Variants in DYNLRB1 observed in about 807,000 individuals in gnomAD.
DYNLRB1 encodes the protein ROBL/LC7-like 1.
In DYNLRB1, 6 loss-of-function variants were observed where a neutral mutation model predicts 13.5. That is an observed-to-expected ratio of 0.44 (90% CI 0.24 to 0.88). DYNLRB1 has a LOEUF of 0.88. DYNLRB1 is among the 40% of genes least tolerant of loss of function. DYNLRB1 has a pLI of 0.21. For missense variants in DYNLRB1, 93 were observed against 127.2 expected (o/e 0.73, Z 1.29); for synonymous variants, 43 against 45.0 (o/e 0.96, Z 0.18).
At chr20:34,525,073 C>T (rs961150105) in intron 1 of DYNLRB1, among the ~76,000 whole-genome samples, 1 of 152,154 alleles carries the variant, frequency 6.6e-6, no homozygotes, top group Non-Finnish European at 1.5e-5. Flanking sequence ...CTCCAGTGTT[C>T]GAGAGTATTC....
chr20:34,525,189 C>G (rs370019047), intron 1 of DYNLRB1, among the ~76,000 whole-genome samples: 135 of 152,190 alleles, frequency 8.9e-4, no homozygotes, highest in African/African-American at 2.8e-3. Flanking sequence ...ATCCCCCCCC[C>G]CATTTCTTTT....
chr20:34,519,180 C>CA (rs1396995815), intron 1 of DYNLRB1, among the ~76,000 whole-genome samples: 1 of 152,040 alleles, frequency 6.6e-6, no homozygotes, highest in East Asian at 1.9e-4. Flanking sequence ...CCTCCGCCTC[C>CA]AAAAATGCTG....
In DYNLRB1 at chr20:34,528,328, A is replaced by AC. The variant is rs1980410233; in HGVS notation, c.79+1985_79+1986insC. ...CTCCGTCTCAAAAAAAAAAAAAAAA[A>AC]AAAAAAAAAAAAAAAACTACCCTAC... On this transcript the variant is annotated intron_variant, in intron 2 of 3. Coordinates refer to ENST00000357156, the MANE Select transcript of DYNLRB1 (RefSeq NM_014183.4). 8.6e-4 allele frequency among the ~76,000 whole-genome samples: 33 copies of AC among 38,250 alleles called. 5 individuals are homozygous for AC. The allele number at this position is 38,250 out of a possible 152,430, so 25.1% of individuals were successfully genotyped here.
At chr20:34,539,875 C>T (rs1981444252) in intron 3 of DYNLRB1, among the ~76,000 whole-genome samples, 3 of 151,894 alleles carry the variant, frequency 2.0e-5, no homozygotes, top group Admixed American at 6.6e-5. Flanking sequence ...GAGGCTGAGG[C>T]GGGAGGATCA....
At chr20:34,525,106 G>A (rs772846427) in intron 1 of DYNLRB1, among the ~76,000 whole-genome samples, 1 of 152,202 alleles carries the variant, frequency 6.6e-6, no homozygotes, top group Non-Finnish European at 1.5e-5. Context: ...GTGGGTGGCA[G>A]TGACTGGATT....
chr20:34,522,571 C>T (rs2146620305), intron 1 of DYNLRB1, among the ~76,000 whole-genome samples: 1 of 141,154 alleles, frequency 7.1e-6, no homozygotes, highest in African/African-American at 2.6e-5. Flanking sequence ...CTCCTGGGCT[C>T]AGGCAATCCT....
At chr20:34,517,754 G>C (rs1022687240) in intron 1 of DYNLRB1, among the ~76,000 whole-genome samples, 15 of 148,874 alleles carry the variant, frequency 1.0e-4, no homozygotes, top group African/African-American at 3.7e-4. Flanking sequence ...TCAGCCTCCC[G>C]AGTAGCTGGG....
In DYNLRB1 at chr20:34,540,656, A is replaced by C; in HGVS notation, c.*32A>C. On this transcript the variant is annotated 3_prime_UTR_variant, in exon 4 of 4. Transcript: ENST00000357156. ...CTCTTGGCTCCCTGTGTCATTCCTT[A>C]ATTTAATGCCCCCCAAGAATGTTAA... 6.2e-7 allele frequency: 1 copy of C among 1,605,728 alleles called. No homozygotes were observed. The highest frequency in any genetic ancestry group is 8.5e-7 in the Non-Finnish European group (1 of 1,173,644).
At chr20:34,529,050 T>C (rs1462833703) in intron 2 of DYNLRB1, among the ~76,000 whole-genome samples, 1 of 151,718 alleles carries the variant, frequency 6.6e-6, no homozygotes, top group Non-Finnish European at 1.5e-5. Flanking sequence ...CAGGGGCTGC[T>C]CCCACAGGCC....
intron 1 of DYNLRB1, 194 bp downstream of exon 1, chr20:34,516,655 G>A: frequency 4.1e-6 from 6 of 1,467,758 alleles, no homozygotes; most frequent in Non-Finnish European, 5.4e-6. Context: ...ACCGAGGCGG[G>A]GCCGCCGGAT....
intron 1 of DYNLRB1, among the ~76,000 whole-genome samples, chr20:34,520,440 A>G (rs1327212204): frequency 6.6e-6 from 1 of 152,024 alleles, no homozygotes; most frequent in South Asian, 2.1e-4. Flanking sequence ...GGTTGCTCCC[A>G]TTTCTTTTTG....
rs1980999321 is a variant in DYNLRB1, at chr20:34,534,733, C to T, written c.185C>T (p.Pro62Leu). The T allele has an allele frequency of 6.2e-7, 1 of 1,614,062 alleles. No homozygotes were observed. The highest frequency in any genetic ancestry group is 1.7e-5 in the Admixed American group (1 of 60,020). ...CGGAGCACCGTGCGTGACATCGACC[C>T]CCAGAACGATCTCACCTTCCTTCGA... ...KARSTVRDID[P>L]QNDLTFLRIR... is the part of the protein sequence containing the mutation. Residue 62 changes from proline (P) to leucine (L), a missense_variant, in exon 3 of 4, where the codon CCC (proline) becomes CTC (leucine). Pro to Leu is a moderately conservative substitution (Grantham distance 98, BLOSUM62 -3). Coordinates refer to ENST00000357156, the MANE Select transcript of DYNLRB1 (RefSeq NM_014183.4).
chr20:34,531,342 A>T (rs1980698059), intron 2 of DYNLRB1: 2 of 152,272 alleles, frequency 1.3e-5, no homozygotes, highest in African/African-American at 2.4e-5. Context: ...TCTGCAGGCT[A>T]CACAGTGTTC....
At chr20:34,537,985 C>CTTTTTTTTTTTT (rs67763754) in intron 3 of DYNLRB1, among the ~76,000 whole-genome samples, 3 of 94,876 alleles carry the variant, frequency 3.2e-5, no homozygotes, top group Admixed American at 1.2e-4. Flanking sequence ...CGTGAACAGG[C>CTTTTTTTTTTTT]TTTTTTTTTT....
intron 1 of DYNLRB1, among the ~76,000 whole-genome samples, chr20:34,520,911 T>G (rs1202504355): frequency 6.6e-6 from 1 of 152,268 alleles, no homozygotes; most frequent in Non-Finnish European, 1.5e-5. Flanking sequence ...GTTCTTGCAA[T>G]ATATTGTCCT....
At chr20:34,527,928 C>A (rs1356905145) in intron 2 of DYNLRB1, among the ~76,000 whole-genome samples, 2 of 152,206 alleles carry the variant, frequency 1.3e-5, no homozygotes, top group Admixed American at 1.3e-4. Context: ...TCCTCCACTT[C>A]AGTCAGAGCA....
At chr20:34,532,467 G>C (rs918169042) in intron 2 of DYNLRB1, among the ~76,000 whole-genome samples, 1 of 152,190 alleles carries the variant, frequency 6.6e-6, no homozygotes, top group African/African-American at 2.4e-5. Context: ...AGACTGACTT[G>C]CTGGGTGGCA....
chr20:34,520,419 G>A (rs1979619269), intron 1 of DYNLRB1, among the ~76,000 whole-genome samples: 1 of 152,084 alleles, frequency 6.6e-6, no homozygotes, highest in Admixed American at 6.5e-5. Context: ...TATCTTACCT[G>A]TGTACATTTG....
intron 1 of DYNLRB1, among the ~76,000 whole-genome samples, chr20:34,523,142 G>T (rs1309380859): frequency 1.3e-5 from 2 of 152,128 alleles, no homozygotes; most frequent in African/African-American, 2.4e-5. Context: ...GCCTCCTGCG[G>T]GCTCTGGAGC....
Sources: gnomAD v4.1 joint callset for allele counts (sites outside exome capture counted in the v4.1 genomes callset) on GRCh38, gnomAD v4.1.1 for gene constraint, MANE v1.5 for transcripts, NCBI Gene and HGNC (gene_info 2026-07-23, HGNC 2026-07-21) for gene names.